The following SNURF variants were observed in gnomAD, a reference collection of about 807,000 sequenced individuals.
SNURF encodes SNURF protein.
A neutral mutation model predicts 11.6 loss-of-function variants in SNURF; 6 were observed. That is an observed-to-expected ratio of 0.52 (90% CI 0.28 to 1.02). The LOEUF (loss-of-function observed/expected upper bound fraction) is 1.02. Among genes scored for constraint, SNURF ranks in the 50% least tolerant of loss-of-function variants. The pLI is 0.09. For synonymous variants in SNURF, 29 were observed against 31.6 expected (o/e 0.92, Z 0.27); for missense variants, 84 against 88.4 (o/e 0.95, Z 0.20).
downstream of SNURF, among the ~76,000 whole-genome samples, chr15:24,969,320 G>A (rs2076102050): frequency 6.6e-6 from 1 of 151,996 alleles, no homozygotes; most frequent in Admixed American, 6.6e-5. Context: ...GTAGAGACGG[G>A]GTTTCACCAT....
intron 1 of SNURF, among the ~76,000 whole-genome samples, chr15:24,958,057 T>G (rs1368857780): frequency 6.6e-6 from 1 of 152,146 alleles, no homozygotes; most frequent in African/African-American, 2.4e-5. Context: ...ACTAACTGAT[T>G]TGGATTTATT....
At chr15:24,966,792 T>C (rs2075704431) in intron 2 of SNURF, among the ~76,000 whole-genome samples, 1 of 152,144 alleles carries the variant, frequency 6.6e-6, no homozygotes, top group African/African-American at 2.4e-5. Context: ...AAAAGTCCAA[T>C]TTCCAAATCC....
chr15:24,976,562 C>T (rs2077082968), intron 5 of SNURF: 2 of 689,852 alleles, frequency 2.9e-6, no homozygotes, highest in Non-Finnish European at 2.5e-6. Flanking sequence ...TTGTTGGTTG[C>T]CTATGCTATT....
At chr15:24,976,661 T>A (rs1191502829) in intron 5 of SNURF, among the ~76,000 whole-genome samples, 1 of 152,236 alleles carries the variant, frequency 6.6e-6, no homozygotes, top group Non-Finnish European at 1.5e-5. Context: ...TTGCTTGGTA[T>A]GTTTATAAAA....
chr15:24,977,294 T>G (rs1450356194), intron 6 of SNURF, among the ~76,000 whole-genome samples: 1 of 152,166 alleles, frequency 6.6e-6, no homozygotes, highest in African/African-American at 2.4e-5. Flanking sequence ...ATACCACAGT[T>G]GAAAAGACCA....
chr15:24,975,471 T>C, exon 4 of SNURF: 1 of 1,614,056 alleles, frequency 6.2e-7, no homozygotes, highest in East Asian at 2.2e-5. Flanking sequence ...AGCATATGAA[T>C]TTGATCCTCT....
chr15:24,976,407 C>T (rs778345787), exon 5 of SNURF: 7 of 1,606,724 alleles, frequency 4.4e-6, no homozygotes, highest in African/African-American at 1.3e-5. Context: ...AGGGGCCACC[C>T]CCCAAAGATG....
At chr15:24,958,030 G>A (rs538679941) in intron 1 of SNURF, among the ~76,000 whole-genome samples, 5 of 152,218 alleles carry the variant, frequency 3.3e-5, no homozygotes, top group African/African-American at 9.6e-5. Context: ...CCCTTATGTT[G>A]TTGTCTAAGG....
chr15:24,973,334 C>T (rs188435518), downstream of SNURF, among the ~76,000 whole-genome samples: 3 of 152,170 alleles, frequency 2.0e-5, no homozygotes, highest in East Asian at 1.9e-4. Flanking sequence ...GTACACTGTT[C>T]ATACTGTGAT....
downstream of SNURF, among the ~76,000 whole-genome samples, chr15:24,970,291 T>C (rs28401448): frequency 3.4e-3 from 521 of 152,186 alleles, 4 homozygotes; most frequent in African/African-American, 0.012. Context: ...AAATAAACTA[T>C]TAATGTGGCC....
intron 5 of SNURF, among the ~76,000 whole-genome samples, chr15:24,976,581 G>A (rs937096389): frequency 6.6e-6 from 1 of 152,236 alleles, no homozygotes; most frequent in African/African-American, 2.4e-5. Flanking sequence ...TTCGGGATTA[G>A]GGGATTTTTG....
At chr15:24,958,492 T>TG (rs1555405021) in intron 1 of SNURF, among the ~76,000 whole-genome samples, 5 of 37,164 alleles carry the variant, frequency 1.3e-4, no homozygotes, top group East Asian at 1.0e-3. Flanking sequence ...CAAAGTTTTT[T>TG]TTTTTTTTTT....
rs1206492584 is a variant in SNURF, at chr15:24,977,669, A to G, written c.*463-109A>G. The G allele has an allele frequency of 4.6e-6, 5 of 1,087,786 alleles. No homozygotes were observed. In the South Asian group the frequency reaches 7.2e-5, roughly 16 times the overall value. 67.4% of individuals were successfully genotyped at this position (1,087,786 alleles called of 1,614,324 possible). On this transcript the variant is annotated intron_variant and NMD_transcript_variant, in intron 6 of 6. Transcript: ENST00000580062. ...AACATGGGAATAATGAGAGAAGTAC[A>G]TTGCAACAGTTGTTTGTAACTAATT... is the stretch of plus-strand genomic sequence containing the variant.
chr15:24,976,464 A>G (rs2077070940), intron 5 of SNURF: 3 of 1,230,260 alleles, frequency 2.4e-6, no homozygotes, highest in South Asian at 1.3e-5. Flanking sequence ...CAGGGACATC[A>G]TATTATGTGA....
chr15:24,960,105 A>T (rs2074527988), intron 1 of SNURF, among the ~76,000 whole-genome samples: 1 of 152,104 alleles, frequency 6.6e-6, no homozygotes, highest in Admixed American at 6.5e-5. Context: ...TCTCTACTAT[A>T]AATACAAAAA....
chr15:24,968,534 A>G (rs1019786130), downstream of SNURF: 13 of 154,894 alleles, frequency 8.4e-5, no homozygotes, highest in African/African-American at 3.1e-4. Flanking sequence ...CTTAAGGTAC[A>G]TTTTTCTAAA....
intron 1 of SNURF, among the ~76,000 whole-genome samples, chr15:24,956,534 C>A (rs2062933706): frequency 6.6e-6 from 1 of 152,188 alleles, no homozygotes; most frequent in African/African-American, 2.4e-5. Context: ...GGAAAGGATG[C>A]AGGTTGCGCA....
intron 1 of SNURF, among the ~76,000 whole-genome samples, chr15:24,960,485 A>G (rs1385153927): frequency 6.6e-6 from 1 of 151,468 alleles, no homozygotes; most frequent in Non-Finnish European, 1.5e-5. Flanking sequence ...TACCACAGGC[A>G]TGCACCACCA....
intron 3 of SNURF, chr15:24,974,308 C>A: frequency 1.4e-6 from 1 of 732,964 alleles, no homozygotes. Context: ...CTTTCCTCTG[C>A]AGGCTCCATC....
Sources: allele counts gnomAD v4.1 joint callset (sites outside exome capture counted in the v4.1 genomes callset), GRCh38; gene constraint gnomAD v4.1.1; transcripts MANE v1.5; gene names NCBI Gene and HGNC (gene_info 2026-07-23, HGNC 2026-07-21).